FREM3: variants seen among roughly 807,000 people sequenced by gnomAD.
The protein encoded by FREM3 is FRAS1 related extracellular matrix 3.
Under a neutral mutation model 129.1 loss-of-function variants are expected in FREM3, and 105 were observed. The observed-to-expected ratio is 0.81, with a 90% confidence interval of 0.69 to 0.96. The LOEUF (loss-of-function observed/expected upper bound fraction) is 0.96. Ranked by LOEUF, FREM3 falls within the 40% of genes least tolerant of loss-of-function variation. The pLI is 0.00. For missense variants in FREM3, 2,593 were observed against 2,666.3 expected (o/e 0.97, Z 0.61); for synonymous variants, 1,014 against 1,044.9 (o/e 0.97, Z 0.57).
Position 143,607,373 on chromosome 4 carries a change from CT to C in FREM3, c.6028+3905del, listed in dbSNP as rs368317684. Among the ~76,000 whole-genome samples, 93 of 152,228 alleles carry C rather than the reference CT, an allele frequency of 6.1e-4. 2 individuals are homozygous for C. In the East Asian group the frequency reaches 0.013, roughly 22 times the overall value. ...GCACAAATGGTACTTTTTAATAGTA[CT>C]TTTTTTCTTGAGCTCCTCCAGTTAG... On this transcript the variant is annotated intron_variant, in intron 6 of 7. Transcript: ENST00000329798.
chr4:143,658,233 C>A (rs892093500), intron 2 of FREM3, among the ~76,000 whole-genome samples: 1 of 152,134 alleles, frequency 6.6e-6, no homozygotes, highest in Non-Finnish European at 1.5e-5. Flanking sequence ...GAGACGTGGC[C>A]TTTGGGAGGT....
chr4:143,676,898 C>G (rs1343439361), intron 2 of FREM3, among the ~76,000 whole-genome samples: 2 of 152,034 alleles, frequency 1.3e-5, no homozygotes, highest in East Asian at 1.9e-4. Flanking sequence ...AAAGAGGATA[C>G]AAACAAATGG....
At chr4:143,587,135 CA>C in intron 6 of FREM3, among the ~76,000 whole-genome samples, 1 of 152,334 alleles carries the variant, frequency 6.6e-6, no homozygotes, top group East Asian at 1.9e-4. Flanking sequence ...TTATGCCAAA[CA>C]GCTCCCAATA....
At chr4:143,634,806 G>A (rs75508047) in intron 2 of FREM3, among the ~76,000 whole-genome samples, 2,494 of 152,188 alleles carry the variant, frequency 0.016, 23 homozygotes, top group Non-Finnish European at 0.025. Flanking sequence ...GAATTGTGAG[G>A]GGGTGTGGGA....
intron 2 of FREM3, among the ~76,000 whole-genome samples, chr4:143,689,603 T>A (rs1483439204): frequency 6.6e-6 from 1 of 151,980 alleles, no homozygotes; most frequent in Non-Finnish European, 1.5e-5. Flanking sequence ...GCAGCACAAT[T>A]CACAATTGCA....
intron 6 of FREM3, among the ~76,000 whole-genome samples, chr4:143,595,757 A>C (rs6837174): frequency 2.6e-5 from 4 of 152,070 alleles, no homozygotes; most frequent in Non-Finnish European, 5.9e-5. Context: ...GTGTGGTGGC[A>C]GGCTCCTGTA....
At chr4:143,627,999 A>G (rs565954674) in intron 2 of FREM3, among the ~76,000 whole-genome samples, 8 of 152,196 alleles carry the variant, frequency 5.3e-5, no homozygotes, top group Non-Finnish European at 1.0e-4. Flanking sequence ...TCCTATTCCC[A>G]AAGGGTCTTG....
At chr4:143,653,639 T>C (rs1739548956) in intron 2 of FREM3, among the ~76,000 whole-genome samples, 1 of 152,272 alleles carries the variant, frequency 6.6e-6, no homozygotes. Context: ...CACATAACAC[T>C]CAAGGACGAG....
chr4:143,671,849 T>C (rs1007176894), intron 2 of FREM3, among the ~76,000 whole-genome samples: 2 of 152,216 alleles, frequency 1.3e-5, no homozygotes, highest in African/African-American at 4.8e-5. Flanking sequence ...TATGGGCAAG[T>C]CTACATCACA....
chr4:143,683,383 C>T (rs1416726857), intron 2 of FREM3, among the ~76,000 whole-genome samples: 1 of 152,150 alleles, frequency 6.6e-6, no homozygotes, highest in Non-Finnish European at 1.5e-5. Flanking sequence ...AAAGGGAGAC[C>T]CTCCTCTCCT....
chr4:143,593,217 A>G (rs1452374263), intron 6 of FREM3, among the ~76,000 whole-genome samples: 1 of 152,086 alleles, frequency 6.6e-6, no homozygotes, highest in African/African-American at 2.4e-5. Flanking sequence ...GATCTATTGA[A>G]GCCTTCCTCT....
chr4:143,626,568 G>A (rs567467687), intron 3 of FREM3, among the ~76,000 whole-genome samples: 1 of 152,256 alleles, frequency 6.6e-6, no homozygotes, highest in Admixed American at 6.5e-5. Context: ...AATTGTGGAA[G>A]TAGGGCCTGA....
chr4:143,620,781 G>A (rs113363147), intron 5 of FREM3, among the ~76,000 whole-genome samples: 3,435 of 152,240 alleles, frequency 0.023, 42 homozygotes, highest in Non-Finnish European at 0.035. Context: ...TAGCCCCTTC[G>A]TGGGGTAGTT....
intron 2 of FREM3, among the ~76,000 whole-genome samples, chr4:143,640,705 AT>A (rs559681905): frequency 5.0e-4 from 76 of 151,302 alleles, no homozygotes; most frequent in Non-Finnish European, 8.6e-4. Flanking sequence ...ATATAAAGCC[AT>A]TTTTTTTTCT....
chr4:143,579,068 A>G (rs548583864), intron 7 of FREM3, among the ~76,000 whole-genome samples: 1 of 152,258 alleles, frequency 6.6e-6, no homozygotes, highest in South Asian at 2.1e-4. Context: ...TTGACAAAAA[A>G]AAAAAAAAGC....
At chr4:143,634,626 C>G (rs376662736) in intron 2 of FREM3, among the ~76,000 whole-genome samples, 1 of 152,072 alleles carries the variant, frequency 6.6e-6, no homozygotes, top group Non-Finnish European at 1.5e-5. Context: ...TGTGTGGCTC[C>G]GACTGAGAGT....
At chr4:143,578,441 T>G (rs1005462955) in intron 7 of FREM3, among the ~76,000 whole-genome samples, 9 of 152,186 alleles carry the variant, frequency 5.9e-5, no homozygotes, top group African/African-American at 2.2e-4. Flanking sequence ...TGGAATTAAA[T>G]AGAAACCCCT....
At chr4:143,662,629 G>C (rs992455250) in intron 2 of FREM3, among the ~76,000 whole-genome samples, 2 of 151,772 alleles carry the variant, frequency 1.3e-5, no homozygotes, top group Non-Finnish European at 2.9e-5. Context: ...TTCAATTCCT[G>C]GATATCCTTG....
At chr4:143,665,533 A>G (rs1739843958) in intron 2 of FREM3, among the ~76,000 whole-genome samples, 1 of 152,126 alleles carries the variant, frequency 6.6e-6, no homozygotes, top group South Asian at 2.1e-4. Context: ...ATTCAGCCCA[A>G]GTTCTAGCTA....
Sources: gnomAD v4.1 joint callset for allele counts (sites outside exome capture counted in the v4.1 genomes callset) on GRCh38, gnomAD v4.1.1 for gene constraint, MANE v1.5 for transcripts, NCBI Gene and HGNC (gene_info 2026-07-23, HGNC 2026-07-21) for gene names.